Variants in TMEM87B observed in about 807,000 individuals in gnomAD.
TMEM87B encodes the protein transmembrane protein 87B.
In TMEM87B, 83 loss-of-function variants were observed where a neutral mutation model predicts 80.3. That is an observed-to-expected ratio of 1.03 (90% CI 0.87 to 1.24). TMEM87B has a LOEUF of 1.24. Ranked by LOEUF, TMEM87B falls within the 50% of genes most tolerant of loss-of-function variation. The probability of loss-of-function intolerance (pLI) is 0.00; values close to 1 mark genes in which losing one functional copy is unlikely to be tolerated. For missense variants in TMEM87B, 625 were observed against 674.4 expected (o/e 0.93, Z 0.81); for synonymous variants, 219 against 230.5 (o/e 0.95, Z 0.45).
chr2:112,082,619 A>C (rs1329566907), intron 8 of TMEM87B, among the ~76,000 whole-genome samples: 1 of 152,116 alleles, frequency 6.6e-6, no homozygotes, highest in Admixed American at 6.6e-5. Context: ...TCCAGGATGC[A>C]TATTAGAGAT....
chr2:112,072,971 C>G (rs1475432845), intron 4 of TMEM87B, among the ~76,000 whole-genome samples: 44 of 144,360 alleles, frequency 3.0e-4, no homozygotes, highest in African/African-American at 1.1e-3. Flanking sequence ...GCAATCTCGG[C>G]TCACTGCAAC....
intron 4 of TMEM87B, among the ~76,000 whole-genome samples, chr2:112,069,817 C>T (rs1302700459): frequency 6.6e-6 from 1 of 152,218 alleles, no homozygotes; most frequent in Non-Finnish European, 1.5e-5. Context: ...CTTTTCTCCA[C>T]AACCTTGCCA....
chr2:112,087,922 G>A (rs1679194556), intron 9 of TMEM87B, among the ~76,000 whole-genome samples: 1 of 152,158 alleles, frequency 6.6e-6, no homozygotes, highest in Admixed American at 6.5e-5. Context: ...AGGAGTGCCA[G>A]CTTTGCCTGG....
At chr2:112,084,663 A>T (rs1679093801) in intron 8 of TMEM87B, among the ~76,000 whole-genome samples, 1 of 152,242 alleles carries the variant, frequency 6.6e-6, no homozygotes, top group Admixed American at 6.5e-5. Context: ...AACAGTGTGA[A>T]CTGAAAACAT....
At chr2:112,103,330 C>T (rs1679684081) in intron 15 of TMEM87B, among the ~76,000 whole-genome samples, 1 of 152,120 alleles carries the variant, frequency 6.6e-6, no homozygotes, top group Non-Finnish European at 1.5e-5. Flanking sequence ...GAACCTGTGT[C>T]TGAATTGGAA....
In TMEM87B at chr2:112,088,832, C is replaced by T. The variant is rs931246286; in HGVS notation, c.939-793C>T. On this transcript the variant is annotated intron_variant, in intron 9 of 18. Coordinates refer to ENST00000283206, the MANE Select transcript of TMEM87B (RefSeq NM_032824.3). ...AGAGTGCAGTGGTGCGATCTTGGCT[C>T]ACTGCAACCTCTGCCTCCTAAGTTC... Among the ~76,000 whole-genome samples, 5 of 152,100 alleles carry T rather than the reference C, an allele frequency of 3.3e-5. 1 individual carries two copies. Among genetic ancestry groups the T allele is most frequent in the Admixed American group, 2.6e-4 (4 of 15,264 alleles).
chr2:112,113,004 T>C (rs1679961549), intron 18 of TMEM87B, 75 bp downstream of exon 18: 2 of 1,335,144 alleles, frequency 1.5e-6, no homozygotes, highest in Admixed American at 2.0e-5. Flanking sequence ...AAAGAAGTTC[T>C]GAAAGCTACT....
In TMEM87B at chr2:112,066,927, C is replaced by G; in HGVS notation, c.319-9C>G. 6.4e-7 allele frequency: 1 copy of G among 1,563,592 alleles called. No homozygotes were observed. Among genetic ancestry groups the G allele is most frequent in the Middle Eastern group, 1.7e-4 (1 of 5,804 alleles). ...AATAAATTATAACATAGAATTTTAC[C>G]TTATATAGGAGCTGTTCCAAAAACA... On this transcript the variant is annotated splice_polypyrimidine_tract_variant and intron_variant, in intron 3 of 18. Coordinates refer to ENST00000283206, the MANE Select transcript of TMEM87B (RefSeq NM_032824.3).
chr2:112,059,156 T>C (rs905092584), intron 1 of TMEM87B, among the ~76,000 whole-genome samples: 2 of 152,160 alleles, frequency 1.3e-5, no homozygotes, highest in African/African-American at 2.4e-5. Flanking sequence ...TTTTTTGTTT[T>C]GTTTTGTTTT....
At chr2:112,111,056 A>G (rs1327082693) in intron 17 of TMEM87B, among the ~76,000 whole-genome samples, 1 of 152,136 alleles carries the variant, frequency 6.6e-6, no homozygotes, top group Non-Finnish European at 1.5e-5. Context: ...CTGTGTACCC[A>G]TGAGCTTGCA....
chr2:112,100,738 G>T, intron 15 of TMEM87B, 43 bp downstream of exon 15: 1 of 1,268,972 alleles, frequency 7.9e-7, no homozygotes, highest in Non-Finnish European at 1.1e-6. Flanking sequence ...TGTACATATT[G>T]CAACAGAAAT....
intron 6 of TMEM87B, among the ~76,000 whole-genome samples, chr2:112,078,743 C>T (rs1021503701): frequency 4.6e-5 from 7 of 152,174 alleles, no homozygotes; most frequent in Non-Finnish European, 8.8e-5. Flanking sequence ...GCACTGTACT[C>T]GGCACATGGT....
intron 17 of TMEM87B, among the ~76,000 whole-genome samples, chr2:112,109,171 C>T (rs1679846836): frequency 6.6e-6 from 1 of 152,122 alleles, no homozygotes; most frequent in African/African-American, 2.4e-5. Flanking sequence ...TATAAATAGT[C>T]TGTGCAAAGT....
rs1443614968 is a variant in TMEM87B at position 112,118,984 on chromosome 2, A to G, written c.*2841A>G. The G allele has an allele frequency of 1.3e-5, 2 of 152,172 alleles. No homozygotes were observed. The highest frequency in any genetic ancestry group is 4.8e-5 in the African/African-American group (2 of 41,440). 9.4% of individuals were successfully genotyped at this position (152,172 alleles called of 1,614,324 possible). Reference sequence around the variant, plus strand: ...CTTATACTTAAAAGAAGTTTAACATATTGGTTAATATACTGGTTAATATAC... The same window carrying G: ...CTTATACTTAAAAGAAGTTTAACATGTTGGTTAATATACTGGTTAATATAC... On this transcript the variant is annotated 3_prime_UTR_variant, in exon 19 of 19. Coordinates refer to ENST00000283206, the MANE Select transcript of TMEM87B (RefSeq NM_032824.3).
intron 17 of TMEM87B, 80 bp downstream of exon 17, chr2:112,107,920 G>A: frequency 1.0e-6 from 1 of 989,916 alleles, no homozygotes; most frequent in Admixed American, 2.1e-5. Flanking sequence ...TTTGTCATGT[G>A]CTTTTCAAAC....
chr2:112,086,155 T>C (rs1249328909), intron 9 of TMEM87B, 51 bp downstream of exon 9: 1 of 1,426,432 alleles, frequency 7.0e-7, no homozygotes, highest in South Asian at 1.2e-5. Context: ...AGTGATTCAG[T>C]CCGTCTACAT....
intron 16 of TMEM87B, among the ~76,000 whole-genome samples, chr2:112,106,926 A>G (rs1244886970): frequency 6.6e-6 from 1 of 152,204 alleles, no homozygotes; most frequent in Non-Finnish European, 1.5e-5. Context: ...TGGATGGATA[A>G]AATAGATAGA....
chr2:112,101,035 T>G (rs1470874288), intron 15 of TMEM87B, among the ~76,000 whole-genome samples: 2 of 152,212 alleles, frequency 1.3e-5, no homozygotes, highest in African/African-American at 4.8e-5. Context: ...TTGCTCTTTT[T>G]AAAGTATGCA....
In TMEM87B at chr2:112,073,409, G is replaced by A. The variant is rs1178292572; in HGVS notation, c.451-1503G>A. 2.6e-5 allele frequency among the ~76,000 whole-genome samples: 4 copies of A among 152,214 alleles called. No individual in the cohort carries two copies. The South Asian group carries it at 6.2e-4, about 24-fold the overall frequency. Reference sequence around the variant, plus strand: ...TTGTTTAATATCCATGCAATTGTACGGTTTCGAAAGATTTTCTTAATCTTG... The same window carrying A: ...TTGTTTAATATCCATGCAATTGTACAGTTTCGAAAGATTTTCTTAATCTTG... On this transcript the variant is annotated intron_variant, in intron 4 of 18. Transcript: ENST00000283206.
Sources: gnomAD v4.1 joint callset for allele counts (sites outside exome capture counted in the v4.1 genomes callset) on GRCh38, gnomAD v4.1.1 for gene constraint, MANE v1.5 for transcripts, NCBI Gene and HGNC (gene_info 2026-07-23, HGNC 2026-07-21) for gene names.